The following THSD7B variants were observed in gnomAD, a reference collection of about 807,000 sequenced individuals.
THSD7B encodes thrombospondin type-1 domain-containing protein 7B.
A neutral mutation model predicts 213.6 loss-of-function variants in THSD7B; 138 were observed. The observed-to-expected ratio is 0.65, with a 90% CI of 0.56 to 0.74. THSD7B has a LOEUF of 0.74. Among genes scored for constraint, THSD7B ranks in the 30% least tolerant of loss-of-function variants. THSD7B has a pLI of 0.00. For synonymous variants in THSD7B, 742 were observed against 687.0 expected (o/e 1.08, Z -1.25); for missense variants, 1,931 against 1,991.5 (o/e 0.97, Z 0.58).
chr2:137,138,168 T>C (rs1372169481), intron 5 of THSD7B, among the ~76,000 whole-genome samples: 1 of 152,154 alleles, frequency 6.6e-6, no homozygotes, highest in African/African-American at 2.4e-5. Context: ...TGCTAAGGCA[T>C]GATGAATATT....
chr2:136,897,224 G>T (rs1336723608), intron 2 of THSD7B, among the ~76,000 whole-genome samples: 1 of 152,150 alleles, frequency 6.6e-6, no homozygotes, highest in African/African-American at 2.4e-5. Flanking sequence ...CCTTCCGGTG[G>T]GTTCTTGGTC....
intron 2 of THSD7B, among the ~76,000 whole-genome samples, chr2:136,961,940 C>T (rs1459281386): frequency 6.6e-6 from 1 of 152,142 alleles, no homozygotes; most frequent in African/African-American, 2.4e-5. Context: ...TGTCCTAATG[C>T]CCAGGATGTA....
intron 12 of THSD7B, among the ~76,000 whole-genome samples, chr2:137,339,092 T>A (rs1258000408): frequency 6.6e-6 from 1 of 152,056 alleles, no homozygotes; most frequent in Non-Finnish European, 1.5e-5. Flanking sequence ...TGTTGAAGAA[T>A]AAATACATTT....
At chr2:137,415,583 C>T (rs943958008) in intron 14 of THSD7B, among the ~76,000 whole-genome samples, 10 of 151,024 alleles carry the variant, frequency 6.6e-5, no homozygotes, top group Admixed American at 3.3e-4. Flanking sequence ...AAGGGACTAC[C>T]TAAATTGGGC....
intron 15 of THSD7B, among the ~76,000 whole-genome samples, chr2:137,546,478 A>AT (rs1491402224): frequency 2.2e-4 from 12 of 55,620 alleles, no homozygotes; most frequent in African/African-American, 8.0e-4. Context: ...ATATATATAT[A>AT]ATATATATAT....
intron 12 of THSD7B, among the ~76,000 whole-genome samples, chr2:137,318,786 C>CA (rs1401923334): frequency 1.4e-5 from 1 of 73,684 alleles, no homozygotes; most frequent in Non-Finnish European, 2.2e-5. Flanking sequence ...GAATGCTTAT[C>CA]TTTTTTTTTT....
intron 6 of THSD7B, among the ~76,000 whole-genome samples, chr2:137,162,041 C>G (rs562799736): frequency 6.6e-6 from 1 of 152,242 alleles, no homozygotes; most frequent in South Asian, 2.1e-4. Context: ...CTGGGAGACT[C>G]TTGGTTATAT....
intron 1 of THSD7B, among the ~76,000 whole-genome samples, chr2:136,848,362 T>C (rs570323545): frequency 6.6e-6 from 1 of 152,152 alleles, no homozygotes; most frequent in African/African-American, 2.4e-5. Context: ...GGCTGGGATC[T>C]GGCCCTATAA....
chr2:136,804,500 A>G (rs1486683585), intron 1 of THSD7B, among the ~76,000 whole-genome samples: 1 of 152,104 alleles, frequency 6.6e-6, no homozygotes, highest in African/African-American at 2.4e-5. Context: ...GCTGGAGAAA[A>G]CAGAGTGATT....
At chr2:137,509,033 T>C (rs1261798158) in intron 15 of THSD7B, among the ~76,000 whole-genome samples, 1 of 152,138 alleles carries the variant, frequency 6.6e-6, no homozygotes, top group Non-Finnish European at 1.5e-5. Flanking sequence ...TTGACACTAA[T>C]TCCTGAAGGC....
intron 2 of THSD7B, among the ~76,000 whole-genome samples, chr2:137,051,446 C>T (rs1418318117): frequency 6.6e-6 from 1 of 152,094 alleles, no homozygotes; most frequent in Non-Finnish European, 1.5e-5. Context: ...TTTAATTATT[C>T]CGTAGTTGAT....
chr2:137,253,035 C>T (rs1181604045), intron 10 of THSD7B, among the ~76,000 whole-genome samples: 1 of 143,868 alleles, frequency 7.0e-6, no homozygotes, highest in Non-Finnish European at 1.5e-5. Flanking sequence ...AGTAGAATAA[C>T]ACCTTCATGT....
chr2:137,640,847 T>C (rs1309297493), intron 20 of THSD7B, among the ~76,000 whole-genome samples: 4 of 152,218 alleles, frequency 2.6e-5, no homozygotes, highest in Admixed American at 1.3e-4. Context: ...ACTTACTTAA[T>C]GTCTGTGAAG....
At position 137,415,242 on chromosome 2, in the gene THSD7B, G is replaced by C. The variant is rs149734980; in HGVS notation, c.2959+3370G>C. 4.2e-3 allele frequency among the ~76,000 whole-genome samples: 640 copies of C among 152,062 alleles called. 6 individuals carry two copies. The highest frequency in any genetic ancestry group is 4.4e-3 in the Non-Finnish European group (297 of 67,998). ...GACATCAGGGAGACTTCTTCATGAG[G>C]ATAATTATTCCTCATCAAGCATAAT... On this transcript the variant is annotated intron_variant, in intron 14 of 27. Coordinates refer to ENST00000409968, the MANE Select transcript of THSD7B (RefSeq NM_001316349.2).
At position 137,070,738 on chromosome 2, in the gene THSD7B, G is replaced by T. The variant is rs76923869; in HGVS notation, c.950+13508G>T. ...GTCCCCCACCCCACAACAATCCCCG[G>T]TGTATGATGTTCCCCTTCCTGTGTG... is the stretch of plus-strand genomic sequence containing the variant. On this transcript the variant is annotated intron_variant, in intron 3 of 27. Coordinates refer to ENST00000409968, the MANE Select transcript of THSD7B (RefSeq NM_001316349.2). 0.01 allele frequency among the ~76,000 whole-genome samples: 1,546 copies of T among 151,834 alleles called. 68 individuals are homozygous for T. In the East Asian group the frequency reaches 0.15, roughly 15 times the overall value.
chr2:137,301,136 A>AGCACT (rs2104846282), intron 12 of THSD7B, among the ~76,000 whole-genome samples: 1 of 152,262 alleles, frequency 6.6e-6, no homozygotes, highest in East Asian at 1.9e-4. Context: ...CATTCTACCC[A>AGCACT]GCACTGCATC....
chr2:136,981,110 T>A (rs72983542), intron 2 of THSD7B, among the ~76,000 whole-genome samples: 5 of 152,248 alleles, frequency 3.3e-5, no homozygotes, highest in Admixed American at 3.3e-4. Flanking sequence ...TACATTATAG[T>A]TTGTATTGGG....
intron 2 of THSD7B, among the ~76,000 whole-genome samples, chr2:136,945,452 G>C (rs890788833): frequency 2.0e-5 from 3 of 152,012 alleles, no homozygotes; most frequent in Admixed American, 6.6e-5. Context: ...TGTGTCTTTG[G>C]GTTGCTCTTC....
At chr2:137,633,369 C>T (rs930467364) in intron 20 of THSD7B, among the ~76,000 whole-genome samples, 6 of 152,162 alleles carry the variant, frequency 3.9e-5, no homozygotes, top group African/African-American at 1.4e-4. Flanking sequence ...GGTGTTAGCA[C>T]AGTCACCTTA....
Sources: allele counts gnomAD v4.1 joint callset (sites outside exome capture counted in the v4.1 genomes callset), GRCh38; gene constraint gnomAD v4.1.1; transcripts MANE v1.5; gene names NCBI Gene and HGNC (gene_info 2026-07-23, HGNC 2026-07-21).